ZNF609: variants seen among roughly 807,000 people sequenced by gnomAD.
ZNF609 encodes zinc finger protein 609.
Under a neutral mutation model 109.5 loss-of-function variants are expected in ZNF609, and 11 were observed. The observed-to-expected ratio is 0.10, with a 90% CI of 0.06 to 0.17. ZNF609 has a LOEUF of 0.17. Ranked by LOEUF, ZNF609 falls within the 10% of genes least tolerant of loss-of-function variation. The pLI, the probability that ZNF609 is intolerant of heterozygous loss-of-function variation, is 1.00. For synonymous variants in ZNF609, 646 were observed against 662.0 expected (o/e 0.98, Z 0.37); for missense variants, 1,559 against 1,772.4 (o/e 0.88, Z 2.16).
intron 2 of ZNF609, among the ~76,000 whole-genome samples, chr15:64,598,958 A>G (rs981971743): frequency 6.7e-6 from 1 of 149,330 alleles, no homozygotes; most frequent in Non-Finnish European, 1.5e-5. Context: ...GATATGTTCA[A>G]CTCTCTCATC....
At chr15:64,504,375 A>G (rs1893601339) in intron 2 of ZNF609, among the ~76,000 whole-genome samples, 1 of 152,214 alleles carries the variant, frequency 6.6e-6, no homozygotes, top group South Asian at 2.1e-4. Context: ...AGATTTGTAG[A>G]CACCAAATTC....
chr15:64,680,364 A>G lies in ZNF609; in HGVS notation c.3945+4A>G, dbSNP rs1368733441. 3 of 1,613,778 alleles carry G rather than the reference A, an allele frequency of 1.9e-6. No individual in the cohort carries two copies. Among genetic ancestry groups the G allele is most frequent in the African/African-American group, 1.3e-5 (1 of 75,048 alleles). On this transcript the variant is annotated splice_donor_region_variant and intron_variant, in intron 7 of 9. Coordinates refer to ENST00000326648, the MANE Select transcript of ZNF609 (RefSeq NM_015042.2). ...CTACAAGAGCAAGTCTCCCACGGTA[A>G]GAAAAGTACAGTGATGCTGGCTGTT...
intron 1 of ZNF609, among the ~76,000 whole-genome samples, chr15:64,479,284 A>ATTTTTTTT (rs34496032): frequency 1.5e-4 from 13 of 86,526 alleles, no homozygotes; most frequent in African/African-American, 3.1e-4. Flanking sequence ...TACCTGTGTG[A>ATTTTTTTT]TTTTTTTTTT....
chr15:64,535,810 C>G (rs1279432850), intron 2 of ZNF609, among the ~76,000 whole-genome samples: 2 of 152,132 alleles, frequency 1.3e-5, no homozygotes, highest in Non-Finnish European at 2.9e-5. Context: ...TTTATTTTAG[C>G]TATCCTGGCA....
At chr15:64,529,876 A>T (rs1054550625) in intron 2 of ZNF609, among the ~76,000 whole-genome samples, 1 of 152,010 alleles carries the variant, frequency 6.6e-6, no homozygotes, top group Non-Finnish European at 1.5e-5. Context: ...GATTACAGGC[A>T]TGCGTCACCA....
rs1234985418 is a variant in ZNF609, at chr15:64,600,948, G to T, written c.748-21879G>T. On this transcript the variant is annotated intron_variant, in intron 2 of 9. Transcript: ENST00000326648. ...TTCAGTTCTGCTTCAGAGTATATTTGTACTGAAAAATCAGAGCCATTTTAT... is the reference window on the plus strand; with the variant it reads ...TTCAGTTCTGCTTCAGAGTATATTTTTACTGAAAAATCAGAGCCATTTTAT... Among the ~76,000 whole-genome samples, 4 of 152,016 alleles carry T rather than the reference G, an allele frequency of 2.6e-5. No homozygotes were observed. In the East Asian group the frequency reaches 7.7e-4, roughly 29 times the overall value.
chr15:64,619,476 C>T (rs953810995), intron 2 of ZNF609, among the ~76,000 whole-genome samples: 1 of 152,202 alleles, frequency 6.6e-6, no homozygotes, highest in Non-Finnish European at 1.5e-5. Flanking sequence ...TGGTAATTAA[C>T]AGAGCTGGAG....
At chr15:64,496,010 G>T (rs1893477657) in intron 1 of ZNF609, among the ~76,000 whole-genome samples, 1 of 151,928 alleles carries the variant, frequency 6.6e-6, no homozygotes, top group Non-Finnish European at 1.5e-5. Context: ...GTAGAGATGA[G>T]GTTTCACCAT....
In ZNF609 at chr15:64,681,276, G is replaced by C. The variant is rs201479944; in HGVS notation, c.4163-33G>C. Reference sequence around the variant, plus strand: ...AAAGATTAATGGAAGGTTTCTGTGAGTGCTACACTAACATGTTCTCCTGCT... The same window carrying C: ...AAAGATTAATGGAAGGTTTCTGTGACTGCTACACTAACATGTTCTCCTGCT... On this transcript the variant is annotated intron_variant, in intron 8 of 9. Coordinates refer to ENST00000326648, the MANE Select transcript of ZNF609 (RefSeq NM_015042.2). 1.9e-3 allele frequency: 3,107 copies of C among 1,603,064 alleles called. 14 individuals are homozygous for C. Among genetic ancestry groups the C allele is most frequent in the Non-Finnish European group, 1.9e-3 (2,185 of 1,171,228 alleles).
chr15:64,520,084 CAGT>C (rs1185583510), intron 2 of ZNF609, among the ~76,000 whole-genome samples: 1 of 152,162 alleles, frequency 6.6e-6, no homozygotes, highest in Non-Finnish European at 1.5e-5. Context: ...CTCCTCATGG[CAGT>C]ATGTTACAGC....
chr15:64,542,123 A>T lies in ZNF609; in HGVS notation c.747+41957A>T, dbSNP rs77427034. On this transcript the variant is annotated intron_variant, in intron 2 of 9. Coordinates refer to ENST00000326648, the MANE Select transcript of ZNF609 (RefSeq NM_015042.2). ...ACATAGGGAGACCCCCATCTCTCTC[A>T]CACACACACACACAGACAGAGTAGG... is the stretch of plus-strand genomic sequence containing the variant. Among the ~76,000 whole-genome samples the T allele has an allele frequency of 9.4e-3, 1,424 of 151,016 alleles. 23 individuals are homozygous for T. The highest frequency in any genetic ancestry group is 0.032 in the African/African-American group (1,324 of 41,248).
Position 64,515,480 on chromosome 15 carries a change from C to T in ZNF609, c.747+15314C>T, listed in dbSNP as rs1391195688. Among the ~76,000 whole-genome samples, 3 of 152,196 alleles carry T rather than the reference C, an allele frequency of 2.0e-5. No homozygotes were observed. In the East Asian group the frequency reaches 5.8e-4, roughly 29 times the overall value. ...AAGCAGTTTGGCCAGGGCAAAGCTC[C>T]CAGAAATGGAAATTTAAGCTTGTTG... is the stretch of plus-strand genomic sequence containing the variant. On this transcript the variant is annotated intron_variant, in intron 2 of 9. Coordinates refer to ENST00000326648, the MANE Select transcript of ZNF609 (RefSeq NM_015042.2).
At chr15:64,632,834 G>A (rs1896105760) in intron 3 of ZNF609, among the ~76,000 whole-genome samples, 1 of 122,780 alleles carries the variant, frequency 8.1e-6, no homozygotes, top group South Asian at 2.5e-4. Flanking sequence ...GAGTGCAGTG[G>A]TGTGATCAGT....
At chr15:64,546,517 G>C (rs1257439751) in intron 2 of ZNF609, among the ~76,000 whole-genome samples, 9 of 150,584 alleles carry the variant, frequency 6.0e-5, no homozygotes, top group African/African-American at 2.0e-4. Context: ...TGATTGCACA[G>C]GTTGGAGTGC....
intron 1 of ZNF609, among the ~76,000 whole-genome samples, chr15:64,488,238 T>G (rs1893359313): frequency 6.6e-6 from 1 of 152,212 alleles, no homozygotes; most frequent in Admixed American, 6.5e-5. Flanking sequence ...GACAGCTGAC[T>G]GCTAATTGAG....
chr15:64,680,444 G>A lies in ZNF609; in HGVS notation c.3945+84G>A. 3 of 1,534,468 alleles carry A rather than the reference G, an allele frequency of 2.0e-6. No individual in the cohort carries two copies. In the South Asian group the frequency reaches 3.6e-5, roughly 18 times the overall value. ...GTCTGGGAGAAGGTGGGCAAGTTCA[G>A]GTCCTGACCACAGTGCAGCTTGGCT... is the stretch of plus-strand genomic sequence containing the variant. On this transcript the variant is annotated intron_variant, in intron 7 of 9. Transcript: ENST00000326648.
chr15:64,650,113 C>CT (rs1896392467), intron 3 of ZNF609, among the ~76,000 whole-genome samples: 1 of 85,408 alleles, frequency 1.2e-5, no homozygotes, highest in African/African-American at 3.8e-5. Context: ...GAACCCATCT[C>CT]AAAAAAAAAA....
At chr15:64,588,442 A>AAAAAAAAAAAAAGAAGAAG (rs71133451) in intron 2 of ZNF609, among the ~76,000 whole-genome samples, 2 of 75,272 alleles carry the variant, frequency 2.7e-5, no homozygotes, top group African/African-American at 1.0e-4. Flanking sequence ...AAAAAAAAAA[A>AAAAAAAAAAAAAGAAGAAG]AAGAAGAGGA....
chr15:64,591,756 C>G (rs1047036240), intron 2 of ZNF609, among the ~76,000 whole-genome samples: 1 of 150,940 alleles, frequency 6.6e-6, no homozygotes, highest in African/African-American at 2.4e-5. Context: ...GAGTCTTGGT[C>G]TGTCACTAGG....
Sources: allele counts gnomAD v4.1 joint callset (sites outside exome capture counted in the v4.1 genomes callset), GRCh38; gene constraint gnomAD v4.1.1; transcripts MANE v1.5; gene names NCBI Gene and HGNC (gene_info 2026-07-23, HGNC 2026-07-21).